Variants in CD36 observed in about 807,000 individuals in gnomAD.
CD36 encodes the protein CD36 molecule (CD36 blood group).
A neutral mutation model predicts 55.2 loss-of-function variants in CD36; 119 were observed. The ratio of observed to expected loss-of-function variants is 2.15; its 90% CI spans 1.86 to 2.51. The LOEUF (loss-of-function observed/expected upper bound fraction) is 2.51, where lower values mean the gene tolerates loss of function less well. CD36 is among the 30% of genes most tolerant of loss of function. The pLI, the probability that CD36 is intolerant of heterozygous loss-of-function variation, is 0.00. For synonymous variants in CD36, 186 were observed against 193.6 expected (o/e 0.96, Z 0.33); for missense variants, 819 against 555.5 (o/e 1.47, Z -4.77).
chr7:80,643,826 G>A (rs1209528657), intron 1 of CD36, among the ~76,000 whole-genome samples: 1 of 152,152 alleles, frequency 6.6e-6, no homozygotes, highest in Non-Finnish European at 1.5e-5. Flanking sequence ...TGACAAATCA[G>A]TCTTTGGTTT....
rs1186160315 is a variant in CD36 at position 80,679,122 on chromosome 7, A to G, written c.*2739A>G. 3 of 151,940 alleles carry G rather than the reference A, an allele frequency of 2.0e-5. No homozygotes were observed. Among genetic ancestry groups the G allele is most frequent in the East Asian group, 1.9e-4 (1 of 5,160 alleles). 9.4% of individuals were successfully genotyped at this position (151,940 alleles called of 1,614,324 possible). A position where few individuals can be genotyped will look rare whatever the true frequency, so the allele number is the denominator to read the frequency against. ...CCTATGACTTTTTTTTTCCTGAGCT[A>G]TTTTCACTGAGCTGAGCTAATGAAC... On this transcript the variant is annotated 3_prime_UTR_variant, in exon 15 of 15. Coordinates refer to ENST00000447544, the MANE Select transcript of CD36 (RefSeq NM_001001548.3).
At chr7:80,609,094 C>T (rs1792729854) in intron 1 of CD36, among the ~76,000 whole-genome samples, 1 of 152,082 alleles carries the variant, frequency 6.6e-6, no homozygotes, top group Non-Finnish European at 1.5e-5. Flanking sequence ...TCCTATGTTG[C>T]TTTCAAGATA....
intron 1 of CD36, among the ~76,000 whole-genome samples, chr7:80,605,109 G>A (rs1792468283): frequency 6.6e-6 from 1 of 152,124 alleles, no homozygotes; most frequent in Admixed American, 6.6e-5. Flanking sequence ...TTCCAGAGAA[G>A]ATACAAAATT....
At chr7:80,617,814 A>G (rs1793249891) in intron 1 of CD36, among the ~76,000 whole-genome samples, 3 of 151,944 alleles carry the variant, frequency 2.0e-5, no homozygotes, top group Admixed American at 2.0e-4. Flanking sequence ...TCACTTGACT[A>G]TGATATTCTT....
chr7:80,617,114 G>C (rs1793206684), intron 1 of CD36, among the ~76,000 whole-genome samples: 3 of 152,184 alleles, frequency 2.0e-5, no homozygotes, highest in African/African-American at 7.2e-5. Flanking sequence ...GAGGTGGAAA[G>C]AGTGGAAGTA....
chr7:80,621,916 G>A (rs1793490954), intron 1 of CD36, among the ~76,000 whole-genome samples: 1 of 152,210 alleles, frequency 6.6e-6, no homozygotes, highest in South Asian at 2.1e-4. Flanking sequence ...ACTGCATTGA[G>A]AACTTGTCTT....
upstream of CD36, among the ~76,000 whole-genome samples, chr7:80,634,947 TA>T (rs929609349): frequency 3.3e-5 from 5 of 151,364 alleles, no homozygotes; most frequent in African/African-American, 7.3e-5. Context: ...ATTGTCAAAT[TA>T]AAAAAAAATT....
rs1025230057 is a variant in CD36 at position 80,677,469 on chromosome 7, C to T, written c.*1086C>T. On this transcript the variant is annotated 3_prime_UTR_variant, in exon 15 of 15. Transcript: ENST00000447544. Reference sequence around the variant, plus strand: ...CTTTTAGCCTCCTCCTTATGATAGCCGCCAGAGTAAATGTTGAGCATTACT... The same window carrying T: ...CTTTTAGCCTCCTCCTTATGATAGCTGCCAGAGTAAATGTTGAGCATTACT... The T allele has an allele frequency of 1.3e-4, 20 of 152,092 alleles. No individual in the cohort carries two copies. Among genetic ancestry groups the T allele is most frequent in the African/African-American group, 3.1e-4 (13 of 41,394 alleles). 9.4% of individuals were successfully genotyped at this position (152,092 alleles called of 1,614,324 possible).
At chr7:80,637,176 CATATT>C (rs1794476993), upstream of CD36, among the ~76,000 whole-genome samples, 1 of 151,692 alleles carries the variant, frequency 6.6e-6, no homozygotes, top group African/African-American at 2.4e-5. Flanking sequence ...TCTGAATTGT[CATATT>C]AGAGTGTGAG....
chr7:80,632,532 T>C (rs1404043264), intron 1 of CD36, among the ~76,000 whole-genome samples: 1 of 152,066 alleles, frequency 6.6e-6, no homozygotes, highest in African/African-American at 2.4e-5. Flanking sequence ...GATGTCAATA[T>C]AATTTTTTAA....
chr7:80,660,991 A>G, intron 4 of CD36, 72 bp from the exon 5 acceptor site: 1 of 1,110,890 alleles, frequency 9.0e-7, no homozygotes, highest in Non-Finnish European at 1.4e-6. Flanking sequence ...CATTTGTTGA[A>G]TGAATGACAT....
At chr7:80,618,575 G>C (rs1249750457) in intron 1 of CD36, among the ~76,000 whole-genome samples, 1 of 152,194 alleles carries the variant, frequency 6.6e-6, no homozygotes, top group Non-Finnish European at 1.5e-5. Context: ...TGCTACCCCA[G>C]TGAACACACA....
At chr7:80,673,482 G>C (rs56082629) in intron 13 of CD36, 73 bp downstream of exon 13, 2 of 865,588 alleles carry the variant, frequency 2.3e-6, no homozygotes, top group African/African-American at 3.3e-5. Context: ...TGTTTCAAAA[G>C]AATGTATAGT....
chr7:80,641,767 A>G (rs1417912728), intron 1 of CD36, among the ~76,000 whole-genome samples: 2 of 152,048 alleles, frequency 1.3e-5, no homozygotes, highest in African/African-American at 4.8e-5. Flanking sequence ...GATTAATTAT[A>G]GATGCTCTGG....
chr7:80,655,180 C>T (rs1333066921), intron 3 of CD36, among the ~76,000 whole-genome samples: 1 of 152,164 alleles, frequency 6.6e-6, no homozygotes, highest in Non-Finnish European at 1.5e-5. Context: ...TATTCCTCTT[C>T]CTGTAGCACA....
At chr7:80,652,076 T>G (rs561799887) in intron 3 of CD36, among the ~76,000 whole-genome samples, 1 of 151,794 alleles carries the variant, frequency 6.6e-6, no homozygotes, top group Non-Finnish European at 1.5e-5. Flanking sequence ...ATATTAAAGA[T>G]GGTAAAGTTT....
chr7:80,622,187 A>G (rs1793508741), intron 1 of CD36, among the ~76,000 whole-genome samples: 2 of 152,200 alleles, frequency 1.3e-5, no homozygotes, highest in South Asian at 4.1e-4. Context: ...CCATCACTCA[A>G]TAAAATTATT....
At chr7:80,674,332 T>C in intron 14 of CD36, 185 bp downstream of exon 14, 1 of 555,174 alleles carries the variant, frequency 1.8e-6, no homozygotes, top group Non-Finnish European at 3.2e-6. Flanking sequence ...AAGTATATCT[T>C]TAATTCTGGG....
At chr7:80,602,637 G>GCCTA (rs1562763410) in intron 1 of CD36, among the ~76,000 whole-genome samples, 2 of 151,996 alleles carry the variant, frequency 1.3e-5, no homozygotes, top group Non-Finnish European at 1.5e-5. Context: ...ATTTCTAGTT[G>GCCTA]CCTAGTTCAT....
Sources: allele counts gnomAD v4.1 joint callset (sites outside exome capture counted in the v4.1 genomes callset), GRCh38; gene constraint gnomAD v4.1.1; transcripts MANE v1.5; gene names NCBI Gene and HGNC (gene_info 2026-07-23, HGNC 2026-07-21).